The following EHMT2 variants were observed in gnomAD, a reference collection of about 807,000 sequenced individuals.
The protein encoded by EHMT2 is euchromatic histone lysine methyltransferase 2.
In EHMT2, 59 loss-of-function variants were observed where a neutral mutation model predicts 143.3. The ratio of observed to expected loss-of-function variants is 0.41; its 90% CI spans 0.33 to 0.51. The LOEUF (loss-of-function observed/expected upper bound fraction) is 0.51, where lower values mean the gene tolerates loss of function less well. EHMT2 is among the 20% of genes least tolerant of loss of function. The pLI is 0.18. For synonymous variants in EHMT2, 604 were observed against 651.5 expected (o/e 0.93, Z 1.11); for missense variants, 1,174 against 1,645.9 (o/e 0.71, Z 4.96).
chr6:31,892,844 G>A, exon 5 of EHMT2: 2 of 1,605,890 alleles, frequency 1.2e-6, no homozygotes, highest in Non-Finnish European at 1.7e-6. Flanking sequence ...ACCTTTCCCA[G>A]TGAGTGGACA....
chr6:31,884,475 G>T lies in EHMT2; in HGVS notation c.2688C>A (p.Asp896Glu). The T allele has an allele frequency of 1.2e-6, 2 of 1,612,980 alleles. No individual in the cohort carries two copies. Among genetic ancestry groups the T allele is most frequent in the Non-Finnish European group, 1.7e-6 (2 of 1,180,030 alleles). The change falls in exon 21 of 28, where the codon GAC becomes GAA. Residue 896 changes from aspartate to glutamate, a missense_variant. By Grantham distance (45) the Asp-to-Glu change is conservative. Transcript: ENST00000375537. The surrounding 1 kb of genome is among the most constrained non-coding windows in gnomAD (Gnocchi z 7.3). Reference sequence around the variant, plus strand: ...GGTTGAGTTGAAGCGCAAACCACACGTCGGAGCGCTCGGGAGTCAGGTCCC... The same window carrying T: ...GGTTGAGTTGAAGCGCAAACCACACTTCGGAGCGCTCGGGAGTCAGGTCCC...
chr6:31,896,981 G>T (rs1218639222), exon 2 of EHMT2: 1 of 1,575,772 alleles, frequency 6.3e-7, no homozygotes, highest in Non-Finnish European at 8.6e-7. Context: ...TCTCAGCGGG[G>T]GCCTCCCCCT....
rs1317456363 is a variant in EHMT2 at position 31,883,195 on chromosome 6, C to T, written c.2994+167G>A. 7 of 868,526 alleles carry T rather than the reference C, an allele frequency of 8.1e-6. No homozygotes were observed. Among genetic ancestry groups the T allele is most frequent in the South Asian group, 1.6e-5 (1 of 62,090 alleles). The allele number at this position is 868,526 out of a possible 1,614,324, so 53.8% of individuals were successfully genotyped here. On this transcript the variant is annotated intron_variant, in intron 23 of 27. Transcript: ENST00000375537. This position sits in a 1 kb window ranked among gnomAD's most constrained non-coding sequence, Gnocchi z 5.6. Reference sequence around the variant, plus strand: ...TGCATAGACCTGGGCACACGCCCATCGCTGTCCCAGCCACATCCCAGGATT... The same window carrying T: ...TGCATAGACCTGGGCACACGCCCATTGCTGTCCCAGCCACATCCCAGGATT...
At chr6:31,897,055 C>A in intron 1 of EHMT2, 66 bp from the exon 2 acceptor site, 1 of 1,506,680 alleles carries the variant, frequency 6.6e-7, no homozygotes, top group Non-Finnish European at 8.8e-7. Context: ...GTCCAGGATG[C>A]CTGGGCCCTG....
At position 31,883,146 on chromosome 6, in the gene EHMT2, A is replaced by AAT; in HGVS notation, c.2995-139_2995-138dup. ...CAGGCTCTGAGATCCGAGAGCACGA[A>AAT]ATGCAGGAGCATCATCCCTGGTTTG... is the stretch of plus-strand genomic sequence containing the variant. On this transcript the variant is annotated intron_variant, in intron 23 of 27. Coordinates refer to ENST00000375537, the Ensembl canonical transcript of EHMT2. The surrounding 1 kb of genome is among the most constrained non-coding windows in gnomAD (Gnocchi z 5.6). The AAT allele has an allele frequency of 1.1e-6, 1 of 876,652 alleles. No homozygotes were observed. Among genetic ancestry groups the AAT allele is most frequent in the Non-Finnish European group, 1.8e-6 (1 of 548,906 alleles). The allele number at this position is 876,652 out of a possible 1,614,324, so 54.3% of individuals were successfully genotyped here. A position where few individuals can be genotyped will look rare whatever the true frequency, so the allele number is the denominator to read the frequency against.
exon 7 of EHMT2, chr6:31,892,409 T>G: frequency 1.9e-6 from 3 of 1,612,564 alleles, no homozygotes; most frequent in Non-Finnish European, 2.5e-6. Context: ...TGTCTCACCT[T>G]GCTGTCGGAG....
exon 24 of EHMT2, chr6:31,882,911 G>C (rs142755148): frequency 6.8e-6 from 11 of 1,612,828 alleles, no homozygotes; most frequent in Non-Finnish European, 7.6e-6. Context: ...CACTCTGTAC[G>C]ACCCGGTTCT....
Position 31,883,458 on chromosome 6 carries a change from G to C in EHMT2, c.2917-19C>G, listed in dbSNP as rs752689063. On this transcript the variant is annotated intron_variant, in intron 22 of 27. Coordinates refer to ENST00000375537, the Ensembl canonical transcript of EHMT2. The surrounding 1 kb of genome is among the most constrained non-coding windows in gnomAD (Gnocchi z 5.6). Reference sequence around the variant, plus strand: ...TGCAGTGCTGGGGCGAGGAGGCAGAGGTCAGCTCAACCCCATGATCGGTCT... The same window carrying C: ...TGCAGTGCTGGGGCGAGGAGGCAGACGTCAGCTCAACCCCATGATCGGTCT... 6.2e-7 allele frequency: 1 copy of C among 1,608,016 alleles called. No individual in the cohort carries two copies. Among genetic ancestry groups the C allele is most frequent in the Non-Finnish European group, 8.5e-7 (1 of 1,177,556 alleles).
Position 31,888,341 on chromosome 6 carries a change from G to C in EHMT2, c.1509+22C>G. 1 of 1,611,998 alleles carries C rather than the reference G, an allele frequency of 6.2e-7. No homozygotes were observed. The highest frequency in any genetic ancestry group is 1.1e-5 in the South Asian group (1 of 90,946). On this transcript the variant is annotated intron_variant, in intron 12 of 27. Transcript: ENST00000375537. The surrounding 1 kb of genome is among the most constrained non-coding windows in gnomAD (Gnocchi z 7.4). ...CCCTCTGCCACAGGGCATGCTACCTGTCTGCCCCACTGGTCACTCACCGCC... is the reference window on the plus strand; with the variant it reads ...CCCTCTGCCACAGGGCATGCTACCTCTCTGCCCCACTGGTCACTCACCGCC...
chr6:31,884,911 C>G lies in EHMT2; in HGVS notation c.2448+1G>C. On this transcript the variant is annotated splice_donor_variant, in intron 19 of 27. Coordinates refer to ENST00000375537, the Ensembl canonical transcript of EHMT2. LOFTEE classifies it high-confidence loss of function. This position sits in a 1 kb window ranked among gnomAD's most constrained non-coding sequence, Gnocchi z 7.3. ...CCTACCTCAACCAAACGCTCACTCA[C>G]GTTGTCAGTGAGGGTGACGTCGGCG... 6.2e-7 allele frequency: 1 copy of G among 1,600,116 alleles called. No individual in the cohort carries two copies. Among genetic ancestry groups the G allele is most frequent in the Non-Finnish European group, 8.6e-7 (1 of 1,169,024 alleles).
Position 31,887,569 on chromosome 6 carries a change from G to A in EHMT2, c.2011+8C>T. The A allele has an allele frequency of 6.2e-7, 1 of 1,612,276 alleles. No individual in the cohort carries two copies. Among genetic ancestry groups the A allele is most frequent in the Non-Finnish European group, 8.5e-7 (1 of 1,179,322 alleles). On this transcript the variant is annotated splice_region_variant and intron_variant, in intron 15 of 27. Coordinates refer to ENST00000375537, the Ensembl canonical transcript of EHMT2. ...TCAAGGTCTGCTGAAGGAATGGGTG[G>A]CACTCACACAGCATCAGGATCACCT...
exon 15 of EHMT2, chr6:31,887,616 C>T (rs757178509): frequency 2.5e-6 from 4 of 1,612,952 alleles, no homozygotes; most frequent in Non-Finnish European, 2.5e-6. Context: ...CCCTGCTTCA[C>T]GGACAGGTAC....
At position 31,879,926 on chromosome 6, in the gene EHMT2, C is replaced by T. The variant is rs1763878082; in HGVS notation, c.*158G>A. The T allele has an allele frequency of 5.5e-6, 5 of 903,046 alleles. No individual in the cohort carries two copies. The South Asian group carries it at 8.6e-5, about 16-fold the overall frequency. The allele number at this position is 903,046 out of a possible 1,614,324, so 55.9% of individuals were successfully genotyped here. On this transcript the variant is annotated 3_prime_UTR_variant, in exon 28 of 28. Transcript: ENST00000375537. Reference sequence around the variant, plus strand: ...CTCTGGGAGGGAGGGGCTGTCAGACCTCCAGGGCCTGGCTGGGATCTCTGG... The same window carrying T: ...CTCTGGGAGGGAGGGGCTGTCAGACTTCCAGGGCCTGGCTGGGATCTCTGG...
chr6:31,880,144 G>A lies in EHMT2; in HGVS notation c.3573C>T (p.Arg1191=), dbSNP rs532177466. The stretch of plus-strand genomic sequence containing the variant: ...GCAGCAGCTCAGGGTGTGGGTCCAG[G>A]CGGGCCAGACGGCTCTGCTCCAGGG... The change falls in exon 28 of 28, where the codon CGC becomes CGT. Residue 1191 remains arginine, a synonymous_variant. Transcript: ENST00000375537. This position sits in a 1 kb window ranked among gnomAD's most constrained non-coding sequence, Gnocchi z 6.6. 2.5e-6 allele frequency: 4 copies of A among 1,612,970 alleles called. No homozygotes were observed. The highest frequency in any genetic ancestry group is 3.4e-6 in the Non-Finnish European group (4 of 1,180,004).
chr6:31,894,233 G>C (rs1182890754), intron 4 of EHMT2, among the ~76,000 whole-genome samples: 1 of 151,714 alleles, frequency 6.6e-6, no homozygotes, highest in Non-Finnish European at 1.5e-5. Context: ...TACAACCTCT[G>C]CCTCCTGGAT....
rs551125854 is a variant in EHMT2, at chr6:31,883,740, A to G, written c.2916+66T>C. On this transcript the variant is annotated intron_variant, in intron 22 of 27. Transcript: ENST00000375537. The surrounding 1 kb of genome is among the most constrained non-coding windows in gnomAD (Gnocchi z 5.6). ...TGGCCAGGTGCCTTTGCTGGTTTGA[A>G]GCTTGTCCAACTGTACTTGGCAGCT... 6.3e-7 allele frequency: 1 copy of G among 1,579,324 alleles called. No individual in the cohort carries two copies. Among genetic ancestry groups the G allele is most frequent in the Admixed American group, 1.7e-5 (1 of 57,936 alleles).
At chr6:31,890,337 A>G (rs906848432) in intron 7 of EHMT2, among the ~76,000 whole-genome samples, 3 of 151,772 alleles carry the variant, frequency 2.0e-5, no homozygotes, top group African/African-American at 7.3e-5. Context: ...GCTCACTGCA[A>G]CCTCCACCTC....
In EHMT2 at chr6:31,883,178, C is replaced by T; in HGVS notation, c.2995-169G>A. The T allele has an allele frequency of 1.2e-6, 1 of 861,410 alleles. No individual in the cohort carries two copies. The allele number at this position is 861,410 out of a possible 1,614,324, so 53.4% of individuals were successfully genotyped here. A position where few individuals can be genotyped will look rare whatever the true frequency, so the allele number is the denominator to read the frequency against. ...GAGCATCATCCCTGGTTTGCATAGA[C>T]CTGGGCACACGCCCATCGCTGTCCC... On this transcript the variant is annotated intron_variant, in intron 23 of 27. Coordinates refer to ENST00000375537, the Ensembl canonical transcript of EHMT2. The surrounding 1 kb of genome is among the most constrained non-coding windows in gnomAD (Gnocchi z 5.6).
intron 25 of EHMT2, 88 bp downstream of exon 25, chr6:31,882,611 G>T: frequency 7.8e-7 from 1 of 1,289,588 alleles, no homozygotes; most frequent in Non-Finnish European, 1.1e-6. Context: ...TGACTCATCA[G>T]GGCAGATGGC....
Sources: allele counts gnomAD v4.1 joint callset (sites outside exome capture counted in the v4.1 genomes callset), GRCh38; gene constraint gnomAD v4.1.1; non-coding constraint Gnocchi (gnomAD v3.1); transcripts MANE v1.5; gene names NCBI Gene and HGNC (gene_info 2026-07-23, HGNC 2026-07-21).